The following PDE1A variants were observed in gnomAD, a reference collection of about 807,000 sequenced individuals.
PDE1A encodes phosphodiesterase 1A.
Under a neutral mutation model 61.7 loss-of-function variants are expected in PDE1A, and 35 were observed. The observed-to-expected ratio is 0.57, with a 90% CI of 0.43 to 0.75. The LOEUF is 0.75. PDE1A is among the 30% of genes least tolerant of loss of function. PDE1A has a pLI of 0.00. For missense variants in PDE1A, 597 were observed against 630.6 expected, an observed-to-expected ratio of 0.95 and a Z score of 0.57; for synonymous variants, 232 against 213.2, an observed-to-expected ratio of 1.09 and a Z score of -0.77.
At chr2:182,177,080 C>T (rs1235677071) in intron 13 of PDE1A, among the ~76,000 whole-genome samples, 14 of 151,184 alleles carry the variant, frequency 9.3e-5, no homozygotes, top group Non-Finnish European at 2.1e-4. Context: ...CTGCTGGATT[C>T]GTTTTGCCAG....
At chr2:182,396,334 T>C (rs1049399425) in intron 1 of PDE1A, among the ~76,000 whole-genome samples, 1 of 152,190 alleles carries the variant, frequency 6.6e-6, no homozygotes, top group Non-Finnish European at 1.5e-5. Context: ...GTTGTGCACT[T>C]TGCTTGGAAG....
chr2:182,622,363 G>T, the PDE1A span, among the ~76,000 whole-genome samples: 1 of 152,190 alleles, frequency 6.6e-6, no homozygotes, highest in Non-Finnish European at 1.5e-5. Flanking sequence ...TTTAAAATGT[G>T]CAGCCAGTGC....
intron 1 of PDE1A, among the ~76,000 whole-genome samples, chr2:182,371,290 C>A (rs942336000): frequency 2.0e-5 from 3 of 151,964 alleles, no homozygotes; most frequent in Admixed American, 6.6e-5. Context: ...AGATCAAGGC[C>A]CTGCCAAATT....
At chr2:182,204,393 C>T (rs1307414233) in intron 8 of PDE1A, among the ~76,000 whole-genome samples, 3 of 152,038 alleles carry the variant, frequency 2.0e-5, no homozygotes, top group Non-Finnish European at 4.4e-5. Flanking sequence ...TACAGTTAAC[C>T]CTTGAACAAC....
In PDE1A at chr2:182,228,032, C is replaced by G. The variant is rs148714654; in HGVS notation, c.675+1974G>C. On this transcript the variant is annotated intron_variant, in intron 6 of 13. Coordinates refer to ENST00000351439, the Ensembl canonical transcript of PDE1A. ...GCCCTCTAATGCAAATGTTTTCTGG[C>G]CAAGGCCCTTGTATAATTCCATGTT... Among the ~76,000 whole-genome samples, 853 of 152,214 alleles carry G rather than the reference C, an allele frequency of 5.6e-3. 9 individuals carry two copies. The highest frequency in any genetic ancestry group is 0.041 in the South Asian group (197 of 4,818).
At chr2:182,325,478 A>T (rs1478667338) in intron 1 of PDE1A, among the ~76,000 whole-genome samples, 1 of 152,202 alleles carries the variant, frequency 6.6e-6, no homozygotes, top group Non-Finnish European at 1.5e-5. Context: ...TGAGTTCATT[A>T]TAATTAAAAA....
intron 1 of PDE1A, among the ~76,000 whole-genome samples, chr2:182,275,470 C>T (rs933574842): frequency 1.1e-4 from 17 of 152,186 alleles, no homozygotes; most frequent in African/African-American, 1.9e-4. Context: ...GGCCCAGAAC[C>T]GCAATACACA....
At chr2:182,575,745 CTACA>C in the PDE1A span, among the ~76,000 whole-genome samples, 24 of 145,038 alleles carry the variant, frequency 1.7e-4, no homozygotes, top group South Asian at 1.1e-3. Context: ...AAACTTAATA[CTACA>C]TATAGTATTA....
intron 2 of PDE1A, among the ~76,000 whole-genome samples, chr2:182,495,272 A>G (rs1688643430): frequency 6.6e-6 from 1 of 152,160 alleles, no homozygotes; most frequent in African/African-American, 2.4e-5. Flanking sequence ...GCTCACTTCA[A>G]ATAAATCCTG....
chr2:182,692,633 T>G, the PDE1A span, among the ~76,000 whole-genome samples: 2 of 150,500 alleles, frequency 1.3e-5, no homozygotes, highest in South Asian at 4.2e-4. Context: ...CAAACCTGGA[T>G]GTTGTGCACA....
chr2:182,380,524 AATGGTAT>A (rs1424168249), intron 1 of PDE1A, among the ~76,000 whole-genome samples: 1 of 152,174 alleles, frequency 6.6e-6, no homozygotes, highest in African/African-American at 2.4e-5. Flanking sequence ...TTTTGAGAAG[AATGGTAT>A]ATGTGCTAAT....
chr2:182,384,244 C>G (rs757966664), intron 1 of PDE1A, among the ~76,000 whole-genome samples: 1 of 152,004 alleles, frequency 6.6e-6, no homozygotes, highest in African/African-American at 2.4e-5. Flanking sequence ...AGACACATGA[C>G]CACAAGAATC....
intron 2 of PDE1A, among the ~76,000 whole-genome samples, chr2:182,250,807 A>T (rs996843303): frequency 1.3e-4 from 20 of 152,166 alleles, no homozygotes; most frequent in African/African-American, 4.6e-4. Flanking sequence ...TCTCCAAGGT[A>T]AGACCTACGG....
the PDE1A span, among the ~76,000 whole-genome samples, chr2:182,595,439 T>C: frequency 6.6e-6 from 1 of 152,202 alleles, no homozygotes; most frequent in Non-Finnish European, 1.5e-5. Flanking sequence ...AACTGAGAAA[T>C]TTATTAAAAT....
chr2:182,420,685 C>T (rs1314594877), intron 1 of PDE1A, among the ~76,000 whole-genome samples: 1 of 152,076 alleles, frequency 6.6e-6, no homozygotes, highest in Non-Finnish European at 1.5e-5. Context: ...CTGGAGACAC[C>T]AAAACACTAA....
intron 1 of PDE1A, among the ~76,000 whole-genome samples, chr2:182,274,368 G>A (rs1693252385): frequency 6.6e-6 from 1 of 151,952 alleles, no homozygotes; most frequent in South Asian, 2.1e-4. Context: ...AAAAACCACA[G>A]AAAGAAAAGT....
chr2:182,363,389 G>A (rs147780692), intron 1 of PDE1A, among the ~76,000 whole-genome samples: 1,902 of 150,754 alleles, frequency 0.013, 24 homozygotes, highest in South Asian at 0.048. Context: ...TGAAGTATAT[G>A]ATATATTAGA....
At chr2:182,670,172 T>C in the PDE1A span, among the ~76,000 whole-genome samples, 1 of 152,206 alleles carries the variant, frequency 6.6e-6, no homozygotes, top group African/African-American at 2.4e-5. Flanking sequence ...GTTTGCTGGC[T>C]CTGGGTCTCT....
At chr2:182,419,796 G>A (rs191432735) in intron 1 of PDE1A, among the ~76,000 whole-genome samples, 1 of 151,942 alleles carries the variant, frequency 6.6e-6, no homozygotes. Flanking sequence ...CACCTACTAC[G>A]TTCCCACCAT....
Sources: gnomAD v4.1 joint callset for allele counts (sites outside exome capture counted in the v4.1 genomes callset) on GRCh38, gnomAD v4.1.1 for gene constraint, MANE v1.5 for transcripts, NCBI Gene and HGNC (gene_info 2026-07-23, HGNC 2026-07-21) for gene names.